Variants in CD247 observed in about 807,000 individuals in gnomAD.
The protein encoded by CD247 is CD247 molecule.
CD247 carries 13 observed loss-of-function variants against 30.0 expected under a neutral mutation model. The observed-to-expected ratio is 0.43, with a 90% CI of 0.28 to 0.69. CD247 has a LOEUF of 0.69. Among genes scored for constraint, CD247 ranks in the 30% least tolerant of loss-of-function variants. The pLI is 0.16. For synonymous variants in CD247, 72 were observed against 80.0 expected (o/e 0.90, Z 0.53); for missense variants, 193 against 212.6 (o/e 0.91, Z 0.57).
At chr1:167,518,348 T>A in intron 1 of CD247, 60 bp downstream of exon 1, 1 of 1,504,654 alleles carries the variant, frequency 6.6e-7, no homozygotes, top group Non-Finnish European at 9.3e-7. Flanking sequence ...CCACACCCAC[T>A]CCCCTACACA....
intron 1 of CD247, among the ~76,000 whole-genome samples, chr1:167,451,941 G>A (rs758317999): frequency 3.3e-5 from 5 of 152,112 alleles, no homozygotes; most frequent in Non-Finnish European, 7.4e-5. Context: ...ACCCCAACTC[G>A]GCCGGGTGCG....
chr1:167,436,541 A>C (rs2101990215), intron 4 of CD247, among the ~76,000 whole-genome samples: 1 of 152,362 alleles, frequency 6.6e-6, no homozygotes, highest in East Asian at 1.9e-4. Flanking sequence ...GGTGTTGGAA[A>C]ACCTGGATAT....
chr1:167,488,305 T>C (rs1435163394), intron 1 of CD247, among the ~76,000 whole-genome samples: 1 of 152,246 alleles, frequency 6.6e-6, no homozygotes, highest in African/African-American at 2.4e-5. Context: ...TAAAGCACAG[T>C]AAGGCAGACT....
intron 1 of CD247, among the ~76,000 whole-genome samples, chr1:167,479,120 A>G (rs555550696): frequency 6.6e-6 from 1 of 152,378 alleles, no homozygotes; most frequent in African/African-American, 2.4e-5. Flanking sequence ...AAAGTATTCA[A>G]ACTCACATAG....
chr1:167,451,207 A>C (rs1652339228), intron 1 of CD247, among the ~76,000 whole-genome samples: 1 of 152,106 alleles, frequency 6.6e-6, no homozygotes, highest in East Asian at 1.9e-4. Context: ...GTTAGGTAGA[A>C]CTTCCTTGGC....
chr1:167,479,146 G>A lies in CD247; in HGVS notation c.59-38379C>T, dbSNP rs544497044. ...ACTCACATAGCTAATGGACAGTTGGGTTATTCATACTGTTTAATCCCAACC... is the reference window on the plus strand; with the variant it reads ...ACTCACATAGCTAATGGACAGTTGGATTATTCATACTGTTTAATCCCAACC... On this transcript the variant is annotated intron_variant, in intron 1 of 7. Transcript: ENST00000362089. Among the ~76,000 whole-genome samples the A allele has an allele frequency of 2.0e-5, 3 of 152,312 alleles. No individual in the cohort carries two copies. In the South Asian group the frequency reaches 6.2e-4, roughly 32 times the overall value.
intron 1 of CD247, among the ~76,000 whole-genome samples, chr1:167,499,324 G>A (rs1259249938): frequency 6.6e-6 from 1 of 152,176 alleles, no homozygotes; most frequent in Admixed American, 6.5e-5. Flanking sequence ...TTAGTGCAGA[G>A]GTCGAGAAAC....
intron 1 of CD247, among the ~76,000 whole-genome samples, chr1:167,465,454 G>T (rs561775596): frequency 6.6e-6 from 1 of 150,464 alleles, no homozygotes; most frequent in African/African-American, 2.4e-5. Context: ...TCAGCCTCCC[G>T]AGTAGCTGGA....
chr1:167,436,251 C>T (rs1290326978), intron 4 of CD247, among the ~76,000 whole-genome samples: 1 of 152,142 alleles, frequency 6.6e-6, no homozygotes, highest in African/African-American at 2.4e-5. Flanking sequence ...AAGCATTTGA[C>T]AAAATTTAAC....
intron 1 of CD247, among the ~76,000 whole-genome samples, chr1:167,476,003 T>C (rs1653730477): frequency 6.6e-6 from 1 of 152,226 alleles, no homozygotes; most frequent in South Asian, 2.1e-4. Context: ...TATATTTTTT[T>C]TCTTTAAAGG....
chr1:167,464,995 C>T (rs1653176064), intron 1 of CD247, among the ~76,000 whole-genome samples: 1 of 151,908 alleles, frequency 6.6e-6, no homozygotes. Flanking sequence ...CTCTTTCTTC[C>T]CCTCTGTCTC....
At chr1:167,491,295 G>A (rs903684226) in intron 1 of CD247, among the ~76,000 whole-genome samples, 5 of 152,140 alleles carry the variant, frequency 3.3e-5, no homozygotes, top group South Asian at 4.1e-4. Context: ...CTGGCCGGGC[G>A]CAGTGGCTCA....
At chr1:167,482,111 G>A (rs1369876538) in intron 1 of CD247, among the ~76,000 whole-genome samples, 2 of 152,176 alleles carry the variant, frequency 1.3e-5, no homozygotes, top group Non-Finnish European at 2.9e-5. Context: ...ATGAATGAGA[G>A]GTCTTCTAGG....
At chr1:167,512,015 C>A (rs1196994739) in intron 1 of CD247, among the ~76,000 whole-genome samples, 1 of 152,116 alleles carries the variant, frequency 6.6e-6, no homozygotes, top group East Asian at 1.9e-4. Flanking sequence ...TCCTGCTTGT[C>A]TTTGTTCTAA....
At chr1:167,442,168 G>A (rs1028500494) in intron 1 of CD247, among the ~76,000 whole-genome samples, 18 of 152,220 alleles carry the variant, frequency 1.2e-4, no homozygotes, top group Non-Finnish European at 2.1e-4. Context: ...CTGTGAATGA[G>A]GAGACTCAGA....
intron 1 of CD247, among the ~76,000 whole-genome samples, chr1:167,492,393 C>T: frequency 6.6e-6 from 1 of 152,158 alleles, no homozygotes; most frequent in East Asian, 1.9e-4. Flanking sequence ...TATTATTCTC[C>T]CACTGGCTGT....
At chr1:167,474,122 C>T (rs554394653) in intron 1 of CD247, among the ~76,000 whole-genome samples, 15 of 152,222 alleles carry the variant, frequency 9.9e-5, no homozygotes, top group East Asian at 9.6e-4. Flanking sequence ...TGATTTCATT[C>T]GCAAGAGAAA....
intron 1 of CD247, among the ~76,000 whole-genome samples, chr1:167,498,602 C>G (rs1400463273): frequency 1.3e-5 from 2 of 152,118 alleles, no homozygotes; most frequent in South Asian, 4.1e-4. Flanking sequence ...CCATCTGGGC[C>G]CATTACACAC....
At chr1:167,448,871 T>G in intron 1 of CD247, among the ~76,000 whole-genome samples, 1 of 152,056 alleles carries the variant, frequency 6.6e-6, no homozygotes, top group Non-Finnish European at 1.5e-5. Context: ...AAAAAATAAA[T>G]AAACAAAAAT....
Sources: allele counts gnomAD v4.1 joint callset (sites outside exome capture counted in the v4.1 genomes callset), GRCh38; gene constraint gnomAD v4.1.1; transcripts MANE v1.5; gene names NCBI Gene and HGNC (gene_info 2026-07-23, HGNC 2026-07-21).